MILR1: variants seen among roughly 807,000 people sequenced by gnomAD.
MILR1 encodes allergin-1.
MILR1 carries 31 observed loss-of-function variants against 18.5 expected under a neutral mutation model. The ratio of observed to expected loss-of-function variants is 1.68; its 90% CI spans 1.26 to 2.26. The LOEUF is 2.26. Among genes scored for constraint, MILR1 ranks in the 30% most tolerant of loss-of-function variants. The pLI is 0.00. For missense variants in MILR1, 257 were observed against 157.4 expected (o/e 1.63, Z -3.38); for synonymous variants, 85 against 56.2 (o/e 1.51, Z -2.30).
At chr17:64,491,623 T>G in the MILR1 span, 1 of 1,518,546 alleles carries the variant, frequency 6.6e-7, no homozygotes, top group Non-Finnish European at 9.1e-7. Context: ...CCTAGTGGCC[T>G]TGATGGAGCG....
chr17:64,490,933 A>G, the MILR1 span: 2 of 1,613,906 alleles, frequency 1.2e-6, no homozygotes, highest in Non-Finnish European at 1.7e-6. Context: ...TCATCCTGAC[A>G]GTCACTGCTG....
the MILR1 span, chr17:64,496,806 C>T: frequency 6.2e-6 from 10 of 1,613,734 alleles, no homozygotes; most frequent in African/African-American, 1.3e-5. Context: ...TCTGGGTGCT[C>T]GCCGTTCCCC....
rs2037622702 is a variant in MILR1 at position 64,468,185 on chromosome 17, C to A, written c.*29-125C>A. 4.4e-6 allele frequency: 2 copies of A among 451,042 alleles called. 1 individual carries two copies. Among genetic ancestry groups the A allele is most frequent in the South Asian group, 3.1e-5 (2 of 63,808 alleles). 27.9% of individuals were successfully genotyped at this position (451,042 alleles called of 1,614,324 possible). ...CTCCCTCCAAAAGTTGTGGGGAGGA[C>A]CCTCCTTGCCTCTTCCAGCTTCTGG... On this transcript the variant is annotated intron_variant, in intron 9 of 9. Transcript: ENST00000619286.
chr17:64,485,626 T>C, the MILR1 span: 1 of 965,296 alleles, frequency 1.0e-6, no homozygotes, highest in Non-Finnish European at 1.7e-6. Flanking sequence ...GCACTAAATT[T>C]ATTATTTAGA....
rs191493934 is a variant in MILR1 at position 64,468,532 on chromosome 17, G to A, written c.*251G>A. On this transcript the variant is annotated 3_prime_UTR_variant, in exon 10 of 10. Transcript: ENST00000619286. Reference sequence around the variant, plus strand: ...TTGAACTCCTGACCTCAGATGATCTGCCTGCCTCGGCCTCCCAAAGTGCTG... The same window carrying A: ...TTGAACTCCTGACCTCAGATGATCTACCTGCCTCGGCCTCCCAAAGTGCTG... The A allele has an allele frequency of 2.6e-6, 2 of 778,996 alleles. No homozygotes were observed. The highest frequency in any genetic ancestry group is 8.6e-5 in the East Asian group (1 of 11,610). The allele number at this position is 778,996 out of a possible 1,614,324, so 48.3% of individuals were successfully genotyped here.
At chr17:64,484,464 G>A in the MILR1 span, among the ~76,000 whole-genome samples, 758 of 152,312 alleles carry the variant, frequency 5.0e-3, 9 homozygotes, top group African/African-American at 0.017. Flanking sequence ...GAGGGCTTCG[G>A]TTTTTCCTGA....
chr17:64,455,639 T>C (rs2037278350), intron 3 of MILR1, among the ~76,000 whole-genome samples: 1 of 150,480 alleles, frequency 6.6e-6, no homozygotes, highest in Admixed American at 6.6e-5. Flanking sequence ...TTTTTGTATT[T>C]TTAGTAGAGA....
In MILR1 at chr17:64,459,991, AT is replaced by A. The variant is rs1364756500; in HGVS notation, c.653-827del. 4.5e-3 allele frequency among the ~76,000 whole-genome samples: 531 copies of A among 119,278 alleles called. 3 individuals are homozygous for A. The highest frequency in any genetic ancestry group is 9.4e-3 in the African/African-American group (279 of 29,706). The allele number at this position is 119,278 out of a possible 152,430, so 78.3% of individuals were successfully genotyped here. On this transcript the variant is annotated intron_variant, in intron 4 of 9. Transcript: ENST00000619286. ...AACTTTATTATTTTTATTTTATTTT[AT>A]TTTATTTATTTATTTATTTATTTAT... is the stretch of plus-strand genomic sequence containing the variant.
chr17:64,466,356 A>G (rs2037559577), intron 6 of MILR1, 86 bp from the exon 7 acceptor site: 2 of 1,141,486 alleles, frequency 1.8e-6, no homozygotes, highest in African/African-American at 3.1e-5. Context: ...ACATGGCCAC[A>G]TTCCAGACGC....
chr17:64,477,649 T>C, the MILR1 span: 1 of 780,372 alleles, frequency 1.3e-6, no homozygotes, highest in Non-Finnish European at 1.8e-6. Context: ...TTTTTGTTTC[T>C]TGTAGCTGAA....
intron 4 of MILR1, among the ~76,000 whole-genome samples, chr17:64,459,370 C>T (rs2037371558): frequency 6.6e-6 from 1 of 152,014 alleles, no homozygotes; most frequent in African/African-American, 2.4e-5. Flanking sequence ...GAGGTCGAGG[C>T]TGCAGTGAGC....
At chr17:64,466,335 A>G in intron 6 of MILR1, 107 bp from the exon 7 acceptor site, 2 of 879,442 alleles carry the variant, frequency 2.3e-6, no homozygotes, top group Middle Eastern at 6.1e-4. Context: ...ACAATGGAAC[A>G]GTCCCAGCCT....
intron 3 of MILR1, among the ~76,000 whole-genome samples, chr17:64,456,087 G>A (rs2037294329): frequency 1.3e-5 from 2 of 151,952 alleles, no homozygotes; most frequent in Non-Finnish European, 2.9e-5. Flanking sequence ...TTTAAGTGTG[G>A]ACTCTTGAAG....
chr17:64,479,147 A>G, the MILR1 span, among the ~76,000 whole-genome samples: 1 of 151,890 alleles, frequency 6.6e-6, no homozygotes, highest in African/African-American at 2.4e-5. Flanking sequence ...CTCTAATTAT[A>G]GAAAACTACT....
In MILR1 at chr17:64,468,466, T is replaced by C; in HGVS notation, c.*185T>C. ...ACCACGCCCAGCTAATTTTTGTATTTTTAGTAGAGATGGGGTTTCACTATG... is the reference window on the plus strand; with the variant it reads ...ACCACGCCCAGCTAATTTTTGTATTCTTAGTAGAGATGGGGTTTCACTATG... On this transcript the variant is annotated 3_prime_UTR_variant, in exon 10 of 10. Transcript: ENST00000619286. 7.8e-6 allele frequency: 3 copies of C among 384,436 alleles called. No individual in the cohort carries two copies. The highest frequency in any genetic ancestry group is 6.3e-5 in the South Asian group (3 of 47,834). 23.8% of individuals were successfully genotyped at this position (384,436 alleles called of 1,614,324 possible).
At chr17:64,461,600 T>C (rs2037434122) in intron 5 of MILR1, among the ~76,000 whole-genome samples, 1 of 152,170 alleles carries the variant, frequency 6.6e-6, no homozygotes. Context: ...AAATTGTTAA[T>C]GGTGGTAAAA....
intron 4 of MILR1, among the ~76,000 whole-genome samples, chr17:64,459,450 A>G (rs2037374089): frequency 1.3e-5 from 2 of 151,946 alleles, no homozygotes; most frequent in Non-Finnish European, 2.9e-5. Context: ...AAAAAGAAAA[A>G]GAAAAAGAAA....
At chr17:64,482,248 C>A in the MILR1 span, among the ~76,000 whole-genome samples, 2 of 151,108 alleles carry the variant, frequency 1.3e-5, no homozygotes, top group Non-Finnish European at 2.9e-5. Context: ...GAATTACAGG[C>A]ACATACCATT....
At chr17:64,462,977 T>G (rs1370358950) in intron 5 of MILR1, among the ~76,000 whole-genome samples, 1 of 152,094 alleles carries the variant, frequency 6.6e-6, no homozygotes, top group African/African-American at 2.4e-5. Context: ...ATTTCTACAT[T>G]TCTATGCTTT....
Sources: gnomAD v4.1 joint callset for allele counts (sites outside exome capture counted in the v4.1 genomes callset) on GRCh38, gnomAD v4.1.1 for gene constraint, MANE v1.5 for transcripts, NCBI Gene and HGNC (gene_info 2026-07-23, HGNC 2026-07-21) for gene names.